PCDH11X: variants seen among roughly 807,000 people sequenced by gnomAD.
PCDH11X encodes the protein protocadherin-11 X-linked.
A neutral mutation model predicts 53.3 loss-of-function variants in PCDH11X; 18 were observed. The observed-to-expected ratio is 0.34, with a 90% CI of 0.23 to 0.50. The LOEUF is 0.50. Among genes scored for constraint, PCDH11X ranks in the 20% least tolerant of loss-of-function variants. The pLI is 0.98. For synonymous variants in PCDH11X, 279 were observed against 393.3 expected, an observed-to-expected ratio of 0.71 and a Z score of 3.44; for missense variants, 570 against 1,032.4, an observed-to-expected ratio of 0.55 and a Z score of 6.14.
intron 6 of PCDH11X, among the ~76,000 whole-genome samples, chrX:91,901,364 C>A (rs1176961871): frequency 9.1e-6 from 1 of 110,067 alleles, no homozygotes; most frequent in Non-Finnish European, 1.9e-5. Context: ...GGTAAGTGGC[C>A]TGATTGGAAT....
intron 8 of PCDH11X, among the ~76,000 whole-genome samples, chrX:92,300,136 A>AT (rs2148468442): frequency 9.2e-6 from 1 of 108,335 alleles, no homozygotes; most frequent in African/African-American, 3.4e-5. Flanking sequence ...CTTAGTATTA[A>AT]TTTTTATTTT....
intron 6 of PCDH11X, among the ~76,000 whole-genome samples, chrX:92,112,306 T>C (rs1481062297): frequency 2.0e-5 from 2 of 98,780 alleles, no homozygotes; most frequent in Non-Finnish European, 4.0e-5. Context: ...TGGCAAACAG[T>C]ATCTGGGATA....
rs185282094 is a variant in PCDH11X at position 91,826,243 on chromosome X, A to G, written c.-44-9218A>G. Reference sequence around the variant, plus strand: ...TACCTAGATGAAAGAGAAAGGAAAAATTATACAAACACTATCATTTATACC... The same window carrying G: ...TACCTAGATGAAAGAGAAAGGAAAAGTTATACAAACACTATCATTTATACC... On this transcript the variant is annotated intron_variant, in intron 4 of 10. Transcript: ENST00000682573. Among the ~76,000 whole-genome samples, 101 of 110,845 alleles carry G rather than the reference A, an allele frequency of 9.1e-4. 1 individual carries two copies. Among genetic ancestry groups the G allele is most frequent in the Admixed American group, 6.1e-3 (64 of 10,429 alleles).
intron 10 of PCDH11X, among the ~76,000 whole-genome samples, chrX:92,505,469 T>C (rs1475258849): frequency 2.7e-5 from 3 of 110,812 alleles, no homozygotes; most frequent in African/African-American, 9.9e-5. Flanking sequence ...CTTTCCTCAT[T>C]GCTTGTTTTT....
chrX:92,321,500 A>G (rs899068228), intron 8 of PCDH11X, among the ~76,000 whole-genome samples: 1 of 111,340 alleles, frequency 9.0e-6, no homozygotes, highest in Non-Finnish European at 1.9e-5. Flanking sequence ...CCGGCCGTGT[A>G]ATTGTTTTAA....
At chrX:92,254,835 T>C (rs1385478091) in intron 7 of PCDH11X, among the ~76,000 whole-genome samples, 1 of 109,958 alleles carries the variant, frequency 9.1e-6, no homozygotes, top group Non-Finnish European at 1.9e-5. Context: ...TGCTTCCCTT[T>C]GAGGGTAACC....
intron 6 of PCDH11X, among the ~76,000 whole-genome samples, chrX:92,096,090 G>A (rs749791653): frequency 9.0e-6 from 1 of 111,695 alleles, no homozygotes; most frequent in Admixed American, 9.6e-5. Context: ...ATCACAGTGG[G>A]CATCAAAGAC....
At chrX:92,402,491 A>G in intron 9 of PCDH11X, among the ~76,000 whole-genome samples, 1 of 111,369 alleles carries the variant, frequency 9.0e-6, no homozygotes, top group Non-Finnish European at 1.9e-5. Context: ...CACACATACA[A>G]TCATCTGGTC....
Position 92,275,162 on chromosome X carries a change from A to G in PCDH11X, c.3144+12019A>G, listed in dbSNP as rs752827499. On this transcript the variant is annotated intron_variant, in intron 8 of 10. Transcript: ENST00000682573. ...AAGCAGTGGCAGCCTCTGCACGCAGACCTGAGGGCTAGGCTAAAACAGTAA... is the reference window on the plus strand; with the variant it reads ...AAGCAGTGGCAGCCTCTGCACGCAGGCCTGAGGGCTAGGCTAAAACAGTAA... Among the ~76,000 whole-genome samples the G allele has an allele frequency of 5.7e-4, 59 of 103,499 alleles. No homozygotes were observed. In the Admixed American group the frequency reaches 5.8e-3, roughly 10 times the overall value. The allele number at this position is 103,499 out of a possible 115,157, so 89.9% of individuals were successfully genotyped here. A position where few individuals can be genotyped will look rare whatever the true frequency, so the allele number is the denominator to read the frequency against.
At chrX:92,037,756 T>C (rs1201391394) in intron 6 of PCDH11X, among the ~76,000 whole-genome samples, 4 of 111,414 alleles carry the variant, frequency 3.6e-5, no homozygotes, top group African/African-American at 1.3e-4. Context: ...TGAGATGGTA[T>C]CTCATTGTGG....
At chrX:92,320,486 G>A in intron 8 of PCDH11X, among the ~76,000 whole-genome samples, 1 of 109,751 alleles carries the variant, frequency 9.1e-6, no homozygotes, top group Non-Finnish European at 1.9e-5. Context: ...TAATATGAAG[G>A]ATATATGATC....
intron 6 of PCDH11X, among the ~76,000 whole-genome samples, chrX:92,162,113 A>T: frequency 1.1e-5 from 1 of 90,712 alleles, no homozygotes. Flanking sequence ...TCATATTATG[A>T]GAATTATTTT....
intron 6 of PCDH11X, among the ~76,000 whole-genome samples, chrX:91,984,774 C>T (rs767086768): frequency 1.3e-4 from 15 of 111,830 alleles, no homozygotes; most frequent in African/African-American, 4.9e-4. Context: ...CTAACATAGG[C>T]ATAGTTCCTT....
intron 6 of PCDH11X, among the ~76,000 whole-genome samples, chrX:91,892,525 C>T (rs1298181483): frequency 4.5e-5 from 5 of 111,013 alleles, no homozygotes; most frequent in Admixed American, 1.9e-4. Flanking sequence ...GTCATTTCTT[C>T]TGCTACCCCC....
intron 8 of PCDH11X, among the ~76,000 whole-genome samples, chrX:92,339,276 G>C (rs1046800598): frequency 1.8e-5 from 2 of 112,159 alleles, no homozygotes; most frequent in Non-Finnish European, 3.8e-5. Flanking sequence ...AATAAAGATA[G>C]ATTAAATACT....
At position 91,835,456 on chromosome X, in the gene PCDH11X, G is replaced by C; in HGVS notation, c.-44-5G>C. 4 of 1,209,453 alleles carry C rather than the reference G, an allele frequency of 3.3e-6. No individual in the cohort carries two copies. Among genetic ancestry groups the C allele is most frequent in the Non-Finnish European group, 4.5e-6 (4 of 894,927 alleles). On this transcript the variant is annotated splice_region_variant and splice_polypyrimidine_tract_variant and intron_variant, in intron 4 of 10. Coordinates refer to ENST00000682573, the MANE Select transcript of PCDH11X (RefSeq NM_032968.5). ...CTCTTCTCTCTCTCCTCTTCTTTTGGTCAGTGTTGTGCGGGTTAATACAAC... is the reference window on the plus strand; with the variant it reads ...CTCTTCTCTCTCTCCTCTTCTTTTGCTCAGTGTTGTGCGGGTTAATACAAC...
chrX:91,906,615 C>T lies in PCDH11X; in HGVS notation c.3033+27342C>T, dbSNP rs144939228. ...ATGATAATCACTGAACATAAACATA[C>T]ATGCATCCATTAATTGACTGCTTAT... is the stretch of plus-strand genomic sequence containing the variant. On this transcript the variant is annotated intron_variant, in intron 6 of 10. Coordinates refer to ENST00000682573, the MANE Select transcript of PCDH11X (RefSeq NM_032968.5). 6.3e-3 allele frequency among the ~76,000 whole-genome samples: 708 copies of T among 111,721 alleles called. 5 individuals are homozygous for T. Among genetic ancestry groups the T allele is most frequent in the African/African-American group, 0.022 (685 of 30,791 alleles).
At chrX:92,155,863 C>T (rs1456927071) in intron 6 of PCDH11X, among the ~76,000 whole-genome samples, 1 of 108,046 alleles carries the variant, frequency 9.3e-6, no homozygotes. Context: ...CTCCTGACCT[C>T]GTGATCCGCT....
At chrX:91,850,086 CTTTAG>C (rs887177005) in intron 5 of PCDH11X, among the ~76,000 whole-genome samples, 6 of 110,709 alleles carry the variant, frequency 5.4e-5, no homozygotes, top group Non-Finnish European at 1.1e-4. Context: ...AAACTCCCCT[CTTTAG>C]TTTAGTTCAG....
Sources: gnomAD v4.1 joint callset for allele counts (sites outside exome capture counted in the v4.1 genomes callset) on GRCh38, gnomAD v4.1.1 for gene constraint, MANE v1.5 for transcripts, NCBI Gene and HGNC (gene_info 2026-07-23, HGNC 2026-07-21) for gene names.